The following IL1R1 variants were observed in gnomAD, a reference collection of about 807,000 sequenced individuals.
The protein encoded by IL1R1 is interleukin 1 receptor type 1.
Under a neutral mutation model 50.2 loss-of-function variants are expected in IL1R1, and 22 were observed. The ratio of observed to expected loss-of-function variants is 0.44; its 90% CI spans 0.31 to 0.63. The LOEUF is 0.63. Among genes scored for constraint, IL1R1 ranks in the 20% least tolerant of loss-of-function variants. The pLI, the probability that IL1R1 is intolerant of heterozygous loss-of-function variation, is 0.07. For missense variants in IL1R1, 509 were observed against 676.2 expected (o/e 0.75, Z 2.74); for synonymous variants, 251 against 236.7 (o/e 1.06, Z -0.55).
chr2:102,136,560 T>C (rs925813512), intron 1 of IL1R1, among the ~76,000 whole-genome samples: 31 of 151,954 alleles, frequency 2.0e-4, no homozygotes, highest in African/African-American at 7.5e-4. Flanking sequence ...GTATCTTTAG[T>C]AGAGACGGGG....
chr2:102,172,620 A>T (rs1336059446), intron 8 of IL1R1, 67 bp from the exon 9 acceptor site: 3 of 1,374,076 alleles, frequency 2.2e-6, no homozygotes, highest in Non-Finnish European at 3.0e-6. Flanking sequence ...TACACAGGGT[A>T]TACAGGTCTT....
At chr2:102,091,217 G>T (rs1679652165) in intron 1 of IL1R1, among the ~76,000 whole-genome samples, 1 of 152,214 alleles carries the variant, frequency 6.6e-6, no homozygotes, top group South Asian at 2.1e-4. Context: ...CAGGTTATGT[G>T]CTTGAGGCAG....
intron 9 of IL1R1, among the ~76,000 whole-genome samples, chr2:102,173,744 G>T (rs1281311004): frequency 6.6e-6 from 1 of 152,164 alleles, no homozygotes; most frequent in Admixed American, 6.5e-5. Flanking sequence ...GTCAGTGTTT[G>T]TATGGGTGTG....
chr2:102,138,677 G>C (rs532177367), upstream of IL1R1, among the ~76,000 whole-genome samples: 1 of 152,276 alleles, frequency 6.6e-6, no homozygotes, highest in South Asian at 2.1e-4. Flanking sequence ...TAAGAAAATA[G>C]TTACTTGAAA....
At chr2:102,081,964 G>A (rs1679227897) in intron 1 of IL1R1, among the ~76,000 whole-genome samples, 1 of 152,154 alleles carries the variant, frequency 6.6e-6, no homozygotes, top group African/African-American at 2.4e-5. Context: ...GAGCATTTTC[G>A]TTTATTGTTT....
At chr2:102,078,656 C>T (rs1038743619) in intron 1 of IL1R1, among the ~76,000 whole-genome samples, 7 of 149,902 alleles carry the variant, frequency 4.7e-5, no homozygotes, top group Non-Finnish European at 8.9e-5. Context: ...TGAATTCCAC[C>T]AAACATTTAA....
chr2:102,114,869 G>A (rs1433660565), intron 1 of IL1R1, among the ~76,000 whole-genome samples: 1 of 152,172 alleles, frequency 6.6e-6, no homozygotes, highest in Non-Finnish European at 1.5e-5. Flanking sequence ...GTAAATTGTT[G>A]TTCTAGGGAA....
intron 1 of IL1R1, among the ~76,000 whole-genome samples, chr2:102,081,197 GTAATTTTATGC>G (rs1033184558): frequency 1.3e-5 from 2 of 152,118 alleles, no homozygotes; most frequent in African/African-American, 2.4e-5. Context: ...TTTTAAAAGG[GTAATTTTATGC>G]TGTGTGAATG....
chr2:102,079,332 G>A (rs974459414), intron 1 of IL1R1, among the ~76,000 whole-genome samples: 1 of 151,976 alleles, frequency 6.6e-6, no homozygotes, highest in Non-Finnish European at 1.5e-5. Flanking sequence ...CAAATGACCT[G>A]GTCTTGTATA....
Position 102,176,818 on chromosome 2 carries a change from G to C in IL1R1, c.*59G>C. ...TCCTGTCTTATGGCGTTGCAGGCCA[G>C]GTTATGCCTCATGCTGACTTGCAGA... On this transcript the variant is annotated 3_prime_UTR_variant, in exon 12 of 12. Transcript: ENST00000410023. 1 of 1,493,148 alleles carries C rather than the reference G, an allele frequency of 6.7e-7. No individual in the cohort carries two copies. The allele number at this position is 1,493,148 out of a possible 1,614,324, so 92.5% of individuals were successfully genotyped here.
At chr2:102,114,921 T>C (rs1055033697) in intron 1 of IL1R1, among the ~76,000 whole-genome samples, 8 of 152,214 alleles carry the variant, frequency 5.3e-5, no homozygotes, top group Admixed American at 5.2e-4. Context: ...TTGAGTTCCC[T>C]TTCTTGGCTG....
At chr2:102,074,513 G>A (rs1216193978) in intron 1 of IL1R1, among the ~76,000 whole-genome samples, 1 of 152,228 alleles carries the variant, frequency 6.6e-6, no homozygotes, top group Admixed American at 6.5e-5. Context: ...AGACATGGAA[G>A]CTGTTCAACC....
At chr2:102,153,135 A>G (rs1683846796) in intron 1 of IL1R1, among the ~76,000 whole-genome samples, 1 of 152,142 alleles carries the variant, frequency 6.6e-6, no homozygotes, top group Non-Finnish European at 1.5e-5. Context: ...GGGTGTAGGT[A>G]TGTTAACATG....
chr2:102,129,589 A>G (rs913232977), intron 1 of IL1R1, among the ~76,000 whole-genome samples: 2 of 152,220 alleles, frequency 1.3e-5, no homozygotes, highest in African/African-American at 4.8e-5. Context: ...CTTAGGATGT[A>G]GGTCCTTATG....
chr2:102,070,906 G>T (rs1279891391), intron 1 of IL1R1, among the ~76,000 whole-genome samples: 1 of 152,130 alleles, frequency 6.6e-6, no homozygotes, highest in African/African-American at 2.4e-5. Flanking sequence ...GTGGCTTGGG[G>T]AAGGTGTGTA....
At chr2:102,113,912 C>T (rs947892898) in intron 1 of IL1R1, among the ~76,000 whole-genome samples, 5 of 152,302 alleles carry the variant, frequency 3.3e-5, no homozygotes, top group Admixed American at 3.3e-4. Context: ...CGCGGCAGAT[C>T]GATAACAGAG....
rs1577992184 is a variant in IL1R1 at position 102,157,901 on chromosome 2, GC to G, written c.61+117del. Reference sequence around the variant, plus strand: ...ATACTCGTCTCTGTTGAATCTCTGGGCACAGAGCCTCCTGGTCATAGACCTG... The same window carrying G: ...ATACTCGTCTCTGTTGAATCTCTGGGACAGAGCCTCCTGGTCATAGACCTG... On this transcript the variant is annotated intron_variant, in intron 3 of 11. Transcript: ENST00000410023. The G allele has an allele frequency of 4.3e-6, 3 of 704,782 alleles. No homozygotes were observed. In the East Asian group the frequency reaches 8.0e-5, roughly 19 times the overall value. The allele number at this position is 704,782 out of a possible 1,614,324, so 43.7% of individuals were successfully genotyped here. A position where few individuals can be genotyped will look rare whatever the true frequency, so the allele number is the denominator to read the frequency against.
intron 1 of IL1R1, among the ~76,000 whole-genome samples, chr2:102,094,566 T>C (rs1679817261): frequency 6.6e-6 from 1 of 152,222 alleles, no homozygotes; most frequent in African/African-American, 2.4e-5. Context: ...AGGAAAACTT[T>C]AGTACGCTAT....
chr2:102,146,818 GTGT>G (rs1683169057), intron 1 of IL1R1, among the ~76,000 whole-genome samples: 2 of 152,202 alleles, frequency 1.3e-5, no homozygotes. Context: ...AGAACTGCCT[GTGT>G]TGTTCCGGAT....
Sources: allele counts gnomAD v4.1 joint callset (sites outside exome capture counted in the v4.1 genomes callset), GRCh38; gene constraint gnomAD v4.1.1; transcripts MANE v1.5; gene names NCBI Gene and HGNC (gene_info 2026-07-23, HGNC 2026-07-21).